PTPRT: variants seen among roughly 807,000 people sequenced by gnomAD.
PTPRT encodes protein tyrosine phosphatase receptor type T, also known as receptor-type tyrosine-protein phosphatase T.
In PTPRT, 56 loss-of-function variants were observed where a neutral mutation model predicts 176.8. The observed-to-expected ratio is 0.32, with a 90% CI of 0.26 to 0.40. PTPRT has a LOEUF of 0.40. Ranked by LOEUF, PTPRT falls within the 10% of genes least tolerant of loss-of-function variation. The pLI is 1.00. For missense variants in PTPRT, 1,540 were observed against 1,908.2 expected, an observed-to-expected ratio of 0.81 and a Z score of 3.60; for synonymous variants, 783 against 739.0, an observed-to-expected ratio of 1.06 and a Z score of -0.96.
chr20:42,209,780 C>G (rs920998300), intron 15 of PTPRT, among the ~76,000 whole-genome samples: 5 of 152,276 alleles, frequency 3.3e-5, no homozygotes, highest in South Asian at 2.1e-4. Flanking sequence ...AGAGGGAATC[C>G]TCCATAACTC....
intron 9 of PTPRT, among the ~76,000 whole-genome samples, chr20:42,395,466 G>A (rs2058840328): frequency 6.6e-6 from 1 of 151,986 alleles, no homozygotes; most frequent in African/African-American, 2.4e-5. Context: ...CCTTTCCATT[G>A]GATCATTTCC....
At chr20:42,827,723 C>G (rs190301632) in intron 2 of PTPRT, among the ~76,000 whole-genome samples, 1 of 152,274 alleles carries the variant, frequency 6.6e-6, no homozygotes, top group East Asian at 1.9e-4. Context: ...CTGCCATTCT[C>G]ATAATAGTGT....
In PTPRT at chr20:42,573,752, T is replaced by TC. The variant is rs201622692; in HGVS notation, c.1154-101191_1154-101190insG. Among the ~76,000 whole-genome samples the TC allele has an allele frequency of 6.6e-3, 915 of 139,116 alleles. 12 individuals carry two copies. Among genetic ancestry groups the TC allele is most frequent in the African/African-American group, 0.024 (880 of 37,134 alleles). The allele number at this position is 139,116 out of a possible 152,430, so 91.3% of individuals were successfully genotyped here. ...AAGACGGACCCTTTCTTTCTTTCTTTTTTTTTTTTTTTTTGAGATGGAGTC... is the reference window on the plus strand; with the variant it reads ...AAGACGGACCCTTTCTTTCTTTCTTTCTTTTTTTTTTTTTTGAGATGGAGTC... On this transcript the variant is annotated intron_variant, in intron 7 of 30. Transcript: ENST00000373187.
intron 7 of PTPRT, among the ~76,000 whole-genome samples, chr20:42,571,832 C>T (rs569478169): frequency 6.6e-6 from 1 of 152,262 alleles, no homozygotes; most frequent in East Asian, 1.9e-4. Flanking sequence ...GCCCTCACCT[C>T]CCCTGGAAAG....
intron 7 of PTPRT, among the ~76,000 whole-genome samples, chr20:42,659,026 A>G (rs1275611560): frequency 6.6e-6 from 1 of 152,192 alleles, no homozygotes; most frequent in Non-Finnish European, 1.5e-5. Context: ...GGTGGGGTTC[A>G]TGGTTTCTTT....
intron 11 of PTPRT, among the ~76,000 whole-genome samples, chr20:42,341,505 G>A (rs776126441): frequency 2.0e-5 from 3 of 152,074 alleles, no homozygotes; most frequent in Non-Finnish European, 4.4e-5. Flanking sequence ...TACAGCCCTG[G>A]TTTTCCTTCT....
chr20:42,624,820 G>C (rs2074261590), intron 7 of PTPRT, among the ~76,000 whole-genome samples: 1 of 152,090 alleles, frequency 6.6e-6, no homozygotes, highest in African/African-American at 2.4e-5. Context: ...ATTCCACAAA[G>C]GGCTTGAGGC....
intron 13 of PTPRT, among the ~76,000 whole-genome samples, chr20:42,255,460 G>T (rs1390583274): frequency 3.9e-5 from 6 of 152,126 alleles, no homozygotes; most frequent in Non-Finnish European, 1.5e-5. Flanking sequence ...TCTATGAACT[G>T]TAGGTCATAG....
rs190523853 is a variant in PTPRT at position 42,677,963 on chromosome 20, G to A, written c.1056C>T (p.Pro352=). The A allele has an allele frequency of 1.7e-4, 272 of 1,614,124 alleles. 3 individuals are homozygous for A. The African/African-American group carries it at 2.6e-3, about 15-fold the overall frequency. ...GCACTCGGATCTCATACTCAACATC[G>A]GGGTCCAGATGCCACAGCTTATAGT... ...SPNYKLWHLD[P]DVEYEIRVLL... is the part of the protein sequence containing the mutation. The change falls in exon 7 of 31, where the codon CCC becomes CCT. Residue 352 remains proline, a synonymous_variant. Coordinates refer to ENST00000373187, the MANE Select transcript of PTPRT (RefSeq NM_007050.6).
In PTPRT at chr20:42,074,939, G is replaced by A. The variant is rs954440537; in HGVS notation, c.*5940C>T. 10 of 397,416 alleles carry A rather than the reference G, an allele frequency of 2.5e-5. No homozygotes were observed. In the South Asian group the frequency reaches 1.2e-3, roughly 47 times the overall value. The allele number at this position is 397,416 out of a possible 1,614,324, so 24.6% of individuals were successfully genotyped here. On this transcript the variant is annotated 3_prime_UTR_variant, in exon 31 of 31. Transcript: ENST00000373187. Reference sequence around the variant, plus strand: ...GGCTTAGATATCTCTGCTGTGCTTCGGAGGATCAGATCCATGATCCTGAAA... The same window carrying A: ...GGCTTAGATATCTCTGCTGTGCTTCAGAGGATCAGATCCATGATCCTGAAA...
chr20:43,014,916 G>A (rs1383117320), intron 1 of PTPRT, among the ~76,000 whole-genome samples: 3 of 152,194 alleles, frequency 2.0e-5, no homozygotes, highest in Admixed American at 2.0e-4. Context: ...TGGGGCATAA[G>A]ATCTGTTAAA....
chr20:43,076,938 C>G (rs575854140), intron 1 of PTPRT, among the ~76,000 whole-genome samples: 1 of 152,312 alleles, frequency 6.6e-6, no homozygotes, highest in Non-Finnish European at 1.5e-5. Context: ...GACTTCTTGT[C>G]CTGCCTCCCA....
chr20:42,670,875 G>A (rs538543448), intron 7 of PTPRT, among the ~76,000 whole-genome samples: 2 of 152,226 alleles, frequency 1.3e-5, no homozygotes, highest in Non-Finnish European at 2.9e-5. Context: ...GGGATTAAGT[G>A]AGACAACTGA....
chr20:42,866,680 C>T (rs1026921201), intron 2 of PTPRT, among the ~76,000 whole-genome samples: 2 of 152,286 alleles, frequency 1.3e-5, no homozygotes, highest in South Asian at 4.1e-4. Context: ...CCCCAACCTC[C>T]CTTCTCATCA....
chr20:42,690,630 C>T (rs752303349), intron 6 of PTPRT, among the ~76,000 whole-genome samples: 2 of 152,168 alleles, frequency 1.3e-5, no homozygotes, highest in Non-Finnish European at 1.5e-5. Context: ...TGCAGTACCC[C>T]AGTACTCTAT....
intron 2 of PTPRT, among the ~76,000 whole-genome samples, chr20:42,832,801 TAAAA>T (rs778457370): frequency 9.3e-6 from 1 of 107,338 alleles, no homozygotes; most frequent in Non-Finnish European, 1.8e-5. Flanking sequence ...TAGGATTTGT[TAAAA>T]AAAAAAAAAA....
chr20:42,538,045 T>C (rs1355921346), intron 7 of PTPRT, among the ~76,000 whole-genome samples: 2 of 152,170 alleles, frequency 1.3e-5, no homozygotes, highest in Non-Finnish European at 2.9e-5. Flanking sequence ...GATGACACAT[T>C]TAATTCTCAT....
intron 6 of PTPRT, among the ~76,000 whole-genome samples, chr20:42,711,546 C>T (rs2076144784): frequency 6.6e-6 from 1 of 152,148 alleles, no homozygotes; most frequent in South Asian, 2.1e-4. Context: ...CTGAGGCCCT[C>T]ACCAGAAGCA....
chr20:43,047,992 C>G (rs986236010), intron 1 of PTPRT, among the ~76,000 whole-genome samples: 4 of 152,078 alleles, frequency 2.6e-5, no homozygotes, highest in African/African-American at 9.7e-5. Context: ...AGCCGTGCCT[C>G]AAGGATCTCA....
Sources: gnomAD v4.1 joint callset for allele counts (sites outside exome capture counted in the v4.1 genomes callset) on GRCh38, gnomAD v4.1.1 for gene constraint, MANE v1.5 for transcripts, NCBI Gene and HGNC (gene_info 2026-07-23, HGNC 2026-07-21) for gene names.